ABCA10: variants seen among roughly 807,000 people sequenced by gnomAD.
The protein encoded by ABCA10 is ATP binding cassette subfamily A member 10, also known as ATP-binding cassette sub-family A member 10.
ABCA10 carries 169 observed loss-of-function variants against 187.5 expected under a neutral mutation model. That is an observed-to-expected ratio of 0.90 (90% CI 0.80 to 1.02). ABCA10 has a LOEUF of 1.02. ABCA10 is among the 50% of genes least tolerant of loss of function. The pLI, the probability that ABCA10 is intolerant of heterozygous loss-of-function variation, is 0.00. For missense variants in ABCA10, 1,727 were observed against 1,812.4 expected (o/e 0.95, Z 0.86); for synonymous variants, 574 against 601.8 (o/e 0.95, Z 0.68).
At chr17:69,165,283 T>C (rs1350481731) in intron 25 of ABCA10, among the ~76,000 whole-genome samples, 200 bp from the exon 26 acceptor site, 1 of 152,136 alleles carries the variant, frequency 6.6e-6, no homozygotes, top group African/African-American at 2.4e-5. Context: ...ATAAGGTCTG[T>C]CATAAATACC....
At chr17:69,212,579 C>A (rs191034697) in intron 9 of ABCA10, among the ~76,000 whole-genome samples, 20 of 152,088 alleles carry the variant, frequency 1.3e-4, no homozygotes, top group Non-Finnish European at 2.2e-4. Context: ...CCACTATTAT[C>A]GTGTTGCCAT....
chr17:69,177,812 C>T (rs574560382), intron 22 of ABCA10, among the ~76,000 whole-genome samples: 7 of 150,322 alleles, frequency 4.7e-5, no homozygotes, highest in South Asian at 2.1e-4. Context: ...AAAAATTAGC[C>T]GGGTATGGTG....
intron 30 of ABCA10, 134 bp from the exon 31 acceptor site, chr17:69,154,460 T>C (rs1019049282): frequency 4.2e-5 from 28 of 674,636 alleles, no homozygotes; most frequent in Middle Eastern, 2.8e-4. Context: ...AGTTTTGCTC[T>C]GTTGCCTAGG....
At chr17:69,198,390 G>C (rs909122715) in intron 10 of ABCA10, among the ~76,000 whole-genome samples, 2 of 152,122 alleles carry the variant, frequency 1.3e-5, no homozygotes, top group African/African-American at 4.8e-5. Flanking sequence ...CTAATGAGAA[G>C]AACTTGGGCA....
chr17:69,244,487 T>A (rs968854255), intron 1 of ABCA10: 1 of 151,804 alleles, frequency 6.6e-6, no homozygotes, highest in Non-Finnish European at 1.5e-5. Flanking sequence ...GCATTGAGAA[T>A]TGCTTACATA....
intron 1 of ABCA10, among the ~76,000 whole-genome samples, chr17:69,236,260 C>T (rs1032506953): frequency 1.3e-5 from 2 of 152,170 alleles, no homozygotes; most frequent in African/African-American, 4.8e-5. Flanking sequence ...ATAATGCAGG[C>T]TTGTAAATCC....
chr17:69,243,916 A>G (rs2074922927), intron 1 of ABCA10, among the ~76,000 whole-genome samples: 1 of 152,180 alleles, frequency 6.6e-6, no homozygotes, highest in Admixed American at 6.5e-5. Flanking sequence ...AAGAAACACC[A>G]AATGATGCTT....
At chr17:69,188,995 A>G (rs2074441312) in intron 18 of ABCA10, among the ~76,000 whole-genome samples, 1 of 152,098 alleles carries the variant, frequency 6.6e-6, no homozygotes, top group African/African-American at 2.4e-5. Flanking sequence ...CAATGAACGT[A>G]TCTGTATATG....
At position 69,156,938 on chromosome 17, in the gene ABCA10, A is replaced by C; in HGVS notation, c.3364-15T>G. On this transcript the variant is annotated splice_polypyrimidine_tract_variant and intron_variant, in intron 27 of 38. Coordinates refer to ENST00000690296, the MANE Select transcript of ABCA10 (RefSeq NM_001377321.1). ...TGAAGGTATGGCTAAAAGAAAAGAA[A>C]AATAATCAGAATTAGCATCACCATG... 1.3e-6 allele frequency: 2 copies of C among 1,491,046 alleles called. No individual in the cohort carries two copies. The highest frequency in any genetic ancestry group is 1.8e-6 in the Non-Finnish European group (2 of 1,095,192). 92.4% of individuals were successfully genotyped at this position (1,491,046 alleles called of 1,614,324 possible). A position where few individuals can be genotyped will look rare whatever the true frequency, so the allele number is the denominator to read the frequency against.
rs754344488 is a variant in ABCA10, at chr17:69,155,878, T to C, written c.3503A>G (p.Glu1168Gly). Residue 1168 changes from glutamate to glycine, a missense_variant, in exon 29 of 39, where the codon GAA becomes GGA. Transcript: ENST00000690296. The part of the protein sequence containing the change: ...RETHPNPEEP[E>G]EEDEDVQAER... Reference sequence around the variant, plus strand: ...AGCTTGAACATCTTCATCTTCTTCTTCGGGCTCTTCCGGATTGGGATGAGT... The same window carrying C: ...AGCTTGAACATCTTCATCTTCTTCTCCGGGCTCTTCCGGATTGGGATGAGT... 2.5e-6 allele frequency: 4 copies of C among 1,613,762 alleles called. No homozygotes were observed. Among genetic ancestry groups the C allele is most frequent in the Non-Finnish European group, 3.4e-6 (4 of 1,179,752 alleles).
Position 69,155,879 on chromosome 17 carries a change from C to T in ABCA10, c.3502G>A (p.Glu1168Lys), listed in dbSNP as rs150472849. The stretch of plus-strand genomic sequence containing the variant: ...GCTTGAACATCTTCATCTTCTTCTT[C>T]GGGCTCTTCCGGATTGGGATGAGTT... ...RETHPNPEEP[E>K]EEDEDVQAER... The change falls in exon 29 of 39, where the codon GAA becomes AAA. Residue 1168 changes from glutamate to lysine, a missense_variant. Coordinates refer to ENST00000690296, the MANE Select transcript of ABCA10 (RefSeq NM_001377321.1). The T allele has an allele frequency of 2.2e-4, 347 of 1,613,544 alleles. No homozygotes were observed. Among genetic ancestry groups the T allele is most frequent in the Non-Finnish European group, 2.7e-4 (315 of 1,179,732 alleles).
chr17:69,211,324 T>C (rs373242137), intron 9 of ABCA10, among the ~76,000 whole-genome samples: 2 of 12,170 alleles, frequency 1.6e-4, no homozygotes, highest in African/African-American at 8.4e-4. Context: ...GATATATATA[T>C]ATATATATAT....
intron 18 of ABCA10, among the ~76,000 whole-genome samples, chr17:69,188,221 C>T (rs2074436584): frequency 6.6e-6 from 1 of 152,060 alleles, no homozygotes; most frequent in Non-Finnish European, 1.5e-5. Flanking sequence ...TCCAACAGGC[C>T]TCCTCTGTCA....
At position 69,213,505 on chromosome 17, in the gene ABCA10, G is replaced by A. The variant is rs967666779; in HGVS notation, c.1006+1199C>T. ...TCATACAGATAGCCAGGAAAGTGGG[G>A]GAAAGCCAGGAGTGACAGGCCTCAC... On this transcript the variant is annotated intron_variant, in intron 9 of 38. Transcript: ENST00000690296. Among the ~76,000 whole-genome samples the A allele has an allele frequency of 2.0e-5, 3 of 152,252 alleles. No individual in the cohort carries two copies. The South Asian group carries it at 6.2e-4, about 32-fold the overall frequency.
rs751253340 is a variant in ABCA10, at chr17:69,152,454, G to T, written c.4164C>A (p.Asn1388Lys). ...TGGTCAAGAGGGTGCCCCTCTCCTT[G>T]TTTTTAACGGTAGCCTGAAGTATCT... Reference protein sequence around the residue: ...MWQILQATVKNKERGTLLTTH... With the variant: ...MWQILQATVKKKERGTLLTTH... Residue 1388 changes from asparagine to lysine, a missense_variant, in exon 35 of 39, where the codon AAC (asparagine) becomes AAA (lysine). Asn to Lys is a moderately conservative substitution (Grantham distance 94). Coordinates refer to ENST00000690296, the MANE Select transcript of ABCA10 (RefSeq NM_001377321.1). 2 of 1,613,572 alleles carry T rather than the reference G, an allele frequency of 1.2e-6. No homozygotes were observed. Among genetic ancestry groups the T allele is most frequent in the African/African-American group, 1.3e-5 (1 of 74,866 alleles).
In ABCA10 at chr17:69,192,634, A is replaced by T. The variant is rs1468405788; in HGVS notation, c.1800T>A (p.Ser600=). The T allele has an allele frequency of 6.2e-7, 1 of 1,613,350 alleles. No individual in the cohort carries two copies. Among genetic ancestry groups the T allele is most frequent in the Non-Finnish European group, 8.5e-7 (1 of 1,179,760 alleles). The change falls in exon 16 of 39, where the codon TCT becomes TCA. Residue 600 remains serine, a synonymous_variant. Transcript: ENST00000690296. ...DILADRKVFL[S]NGKLKCAGSS... ...ATCCTGCACATTTCAACTTCCCATT[A>T]GACAGAAATACTTTCCTATCTGAGT...
chr17:69,166,947 A>T (rs932923528), intron 25 of ABCA10, among the ~76,000 whole-genome samples: 1 of 152,182 alleles, frequency 6.6e-6, no homozygotes, highest in Non-Finnish European at 1.5e-5. Context: ...AGTTGGGTTG[A>T]TGATCAGTAC....
Position 69,150,002 on chromosome 17 carries a change from A to C in ABCA10, c.4459T>G (p.Phe1487Val), listed in dbSNP as rs753188967. 1 of 1,611,870 alleles carries C rather than the reference A, an allele frequency of 6.2e-7. No homozygotes were observed. The highest frequency in any genetic ancestry group is 8.5e-7 in the Non-Finnish European group (1 of 1,178,552). The change falls in exon 37 of 39, where the codon TTT (phenylalanine) becomes GTT (valine). Residue 1487 changes from phenylalanine to valine, a missense_variant. Phe to Val is a conservative substitution (Grantham distance 50, BLOSUM62 -1). Transcript: ENST00000690296. ...AACTTACTCGCCTCTAACTTGAAAA[A>C]GGCCCGAGATAGAGGGTGGACATCC... is the stretch of plus-strand genomic sequence containing the variant. ...VEDVHPLSRA[F>V]FKLEAMKQTF...
At chr17:69,195,485 A>G (rs1161098619) in intron 11 of ABCA10, among the ~76,000 whole-genome samples, 7 of 150,490 alleles carry the variant, frequency 4.7e-5, no homozygotes, top group African/African-American at 1.7e-4. Flanking sequence ...TTCCACAATA[A>G]TGATATTTTC....
Sources: allele counts gnomAD v4.1 joint callset (sites outside exome capture counted in the v4.1 genomes callset), GRCh38; gene constraint gnomAD v4.1.1; transcripts MANE v1.5; gene names NCBI Gene and HGNC (gene_info 2026-07-23, HGNC 2026-07-21).